Variants in SPATA13 observed in about 807,000 individuals in gnomAD.
SPATA13 encodes the protein spermatogenesis-associated protein 13.
SPATA13 carries 50 observed loss-of-function variants against 104.0 expected under a neutral mutation model. The ratio of observed to expected loss-of-function variants is 0.48; its 90% CI spans 0.38 to 0.61. The LOEUF (loss-of-function observed/expected upper bound fraction) is 0.61, where lower values mean the gene tolerates loss of function less well. SPATA13 is among the 20% of genes least tolerant of loss of function. The pLI, the probability that SPATA13 is intolerant of heterozygous loss-of-function variation, is 0.00. For missense variants in SPATA13, 1,524 were observed against 1,690.6 expected, an observed-to-expected ratio of 0.90 and a Z score of 1.73; for synonymous variants, 606 against 667.5, an observed-to-expected ratio of 0.91 and a Z score of 1.42.
chr13:24,256,795 T>C (rs1240138339), intron 4 of SPATA13, among the ~76,000 whole-genome samples: 4 of 152,228 alleles, frequency 2.6e-5, no homozygotes, highest in Non-Finnish European at 4.4e-5. Context: ...TTTGGGATAA[T>C]AGAGTTGGGA....
intron 3 of SPATA13, among the ~76,000 whole-genome samples, chr13:24,063,448 C>G (rs1378439187): frequency 6.6e-6 from 1 of 152,172 alleles, no homozygotes; most frequent in Non-Finnish European, 1.5e-5. Flanking sequence ...GTAAGCGCCT[C>G]TGGACTCTGA....
At chr13:24,096,459 C>T (rs9580866) in intron 3 of SPATA13, among the ~76,000 whole-genome samples, 7,256 of 151,942 alleles carry the variant, frequency 0.048, 502 homozygotes, top group African/African-American at 0.15. Flanking sequence ...AATAGCTGGG[C>T]GTGGTGGCAG....
At chr13:24,020,973 G>A (rs12865020) in intron 3 of SPATA13, among the ~76,000 whole-genome samples, 2 of 152,146 alleles carry the variant, frequency 1.3e-5, no homozygotes, top group Admixed American at 1.3e-4. Context: ...CCCAGGAGGC[G>A]GTGGTTGCAC....
Position 24,063,630 on chromosome 13 carries a change from C to G in SPATA13, c.-112+45929C>G, listed in dbSNP as rs1335028939. 7.2e-5 allele frequency among the ~76,000 whole-genome samples: 11 copies of G among 152,286 alleles called. No individual in the cohort carries two copies. In the East Asian group the frequency reaches 2.1e-3, roughly 29 times the overall value. On this transcript the variant is annotated intron_variant, in intron 3 of 14. Transcript: ENST00000424834. ...TGGCTGCCATCCAATTACACAGCTTCCCTGAGCCCACTCAAGTGGGGGCGG... is the reference window on the plus strand; with the variant it reads ...TGGCTGCCATCCAATTACACAGCTTGCCTGAGCCCACTCAAGTGGGGGCGG...
intron 1 of SPATA13, among the ~76,000 whole-genome samples, chr13:24,215,482 TG>T (rs1326431673): frequency 6.6e-6 from 1 of 152,152 alleles, no homozygotes; most frequent in Non-Finnish European, 1.5e-5. Context: ...GGCTGCTGGG[TG>T]GAAGCTGAGT....
At chr13:24,229,178 G>C (rs1287482146) in intron 2 of SPATA13, among the ~76,000 whole-genome samples, 1 of 152,338 alleles carries the variant, frequency 6.6e-6, no homozygotes, top group Admixed American at 6.5e-5. Flanking sequence ...TCTCCTACCA[G>C]CTCACAAGGA....
At chr13:24,060,106 G>T (rs1213908594) in intron 3 of SPATA13, among the ~76,000 whole-genome samples, 1 of 152,136 alleles carries the variant, frequency 6.6e-6, no homozygotes, top group Non-Finnish European at 1.5e-5. Flanking sequence ...ATCAAAATGA[G>T]CCCAAATAGC....
chr13:24,090,248 C>G (rs1426647690), intron 3 of SPATA13, among the ~76,000 whole-genome samples: 1 of 152,104 alleles, frequency 6.6e-6, no homozygotes, highest in Non-Finnish European at 1.5e-5. Flanking sequence ...CATGTGTTGA[C>G]TTCTCTGCTC....
intron 2 of SPATA13, among the ~76,000 whole-genome samples, chr13:24,013,130 A>G (rs1876553188): frequency 6.6e-6 from 1 of 152,204 alleles, no homozygotes; most frequent in South Asian, 2.1e-4. Flanking sequence ...CTGTGCAGAC[A>G]TGGAAAAACC....
intron 1 of SPATA13, among the ~76,000 whole-genome samples, chr13:24,180,242 A>G (rs1212534056): frequency 2.6e-5 from 4 of 152,092 alleles, no homozygotes; most frequent in Admixed American, 2.6e-4. Context: ...TCATTTGTTG[A>G]AAGGATGATT....
rs1555277163 is a variant in SPATA13, at chr13:24,291,752, T to TTA, written c.3080+869_3080+870insAT. 1.6e-3 allele frequency among the ~76,000 whole-genome samples: 167 copies of TTA among 104,356 alleles called. 5 individuals carry two copies. Among genetic ancestry groups the TTA allele is most frequent in the Non-Finnish European group, 1.5e-3 (73 of 47,922 alleles). The allele number at this position is 104,356 out of a possible 152,430, so 68.5% of individuals were successfully genotyped here. A position where few individuals can be genotyped will look rare whatever the true frequency, so the allele number is the denominator to read the frequency against. On this transcript the variant is annotated intron_variant, in intron 9 of 12. Coordinates refer to ENST00000382108, the MANE Select transcript of SPATA13 (RefSeq NM_001166271.3). ...TCTCTCTGTCTTTATTTTTTTATTT[T>TTA]TTTATTTTTTTTTTTGAGACGGAGT...
intron 1 of SPATA13, among the ~76,000 whole-genome samples, chr13:24,207,458 T>C (rs1191047479): frequency 1.3e-5 from 2 of 152,352 alleles, no homozygotes; most frequent in South Asian, 4.1e-4. Context: ...GTGGAATTGC[T>C]AGAGCATGTA....
intron 3 of SPATA13, among the ~76,000 whole-genome samples, chr13:24,083,833 C>A (rs141638971): frequency 2.0e-5 from 3 of 152,168 alleles, no homozygotes; most frequent in Non-Finnish European, 4.4e-5. Flanking sequence ...GCTCATTTCC[C>A]GGCTGCTCCT....
chr13:24,245,628 G>A (rs1471973401), intron 2 of SPATA13, among the ~76,000 whole-genome samples: 1 of 51,218 alleles, frequency 2.0e-5, no homozygotes, highest in Non-Finnish European at 3.5e-5. Context: ...GTCTTGCTTT[G>A]TTGCCCAGGC....
upstream of SPATA13, among the ~76,000 whole-genome samples, chr13:24,156,221 C>T (rs57338107): frequency 0.017 from 2,538 of 152,246 alleles, 88 homozygotes; most frequent in African/African-American, 0.058. Context: ...CTGGATGATA[C>T]GGTAATTCTA....
intron 1 of SPATA13, among the ~76,000 whole-genome samples, chr13:24,163,203 C>T (rs955439667): frequency 6.6e-6 from 1 of 152,114 alleles, no homozygotes; most frequent in Non-Finnish European, 1.5e-5. Context: ...TCAAGACCAG[C>T]TTAGGCAGCA....
At chr13:24,292,590 A>G (rs774221937) in intron 9 of SPATA13, among the ~76,000 whole-genome samples, 15 of 152,202 alleles carry the variant, frequency 9.9e-5, no homozygotes, top group Non-Finnish European at 2.2e-4. Context: ...TTTCTATGGC[A>G]AACCACAACA....
intron 7 of SPATA13, among the ~76,000 whole-genome samples, chr13:24,288,724 A>G (rs73455739): frequency 0.022 from 3,361 of 152,276 alleles, 102 homozygotes; most frequent in South Asian, 0.076. Context: ...GACGACACCA[A>G]TTTTTGAGCT....
At position 24,173,511 on chromosome 13, in the gene SPATA13, CTT is replaced by C. The variant is rs34242537; in HGVS notation, c.-112+12592_-112+12593del. Among the ~76,000 whole-genome samples, 376 of 136,156 alleles carry C rather than the reference CTT, an allele frequency of 2.8e-3. 2 individuals carry two copies. The highest frequency in any genetic ancestry group is 8.1e-3 in the African/African-American group (296 of 36,668). 89.3% of individuals were successfully genotyped at this position (136,156 alleles called of 152,430 possible). A position where few individuals can be genotyped will look rare whatever the true frequency, so the allele number is the denominator to read the frequency against. On this transcript the variant is annotated intron_variant, in intron 1 of 12. Transcript: ENST00000382108. ...CCTTTTATTCCCCCCCGTCCCCCAA[CTT>C]TTTTTTTTTTTTGGCCTTATTGCAT...
Sources: allele counts gnomAD v4.1 joint callset (sites outside exome capture counted in the v4.1 genomes callset), GRCh38; gene constraint gnomAD v4.1.1; transcripts MANE v1.5; gene names NCBI Gene and HGNC (gene_info 2026-07-23, HGNC 2026-07-21).